HMCN1: variants seen among roughly 807,000 people sequenced by gnomAD.
HMCN1 encodes the protein hemicentin-1.
A neutral mutation model predicts 625.9 loss-of-function variants in HMCN1; 321 were observed. The ratio of observed to expected loss-of-function variants is 0.51; its 90% CI spans 0.47 to 0.56. The LOEUF (loss-of-function observed/expected upper bound fraction) is 0.56. Among genes scored for constraint, HMCN1 ranks in the 20% least tolerant of loss-of-function variants. HMCN1 has a pLI of 0.00. For synonymous variants in HMCN1, 2,425 were observed against 2,417.6 expected (o/e 1.00, Z -0.09); for missense variants, 6,588 against 6,887.3 (o/e 0.96, Z 1.54).
At chr1:185,896,671 T>C (rs193021250) in intron 4 of HMCN1, among the ~76,000 whole-genome samples, 1 of 152,188 alleles carries the variant, frequency 6.6e-6, no homozygotes, top group African/African-American at 2.4e-5. Flanking sequence ...TTGGTCAAGC[T>C]GAATCTCAGT....
At position 185,963,140 on chromosome 1, in the gene HMCN1, C is replaced by T. The variant is rs374404569; in HGVS notation, c.1970+481C>T. Among the ~76,000 whole-genome samples, 5 of 152,046 alleles carry T rather than the reference C, an allele frequency of 3.3e-5. No individual in the cohort carries two copies. In the East Asian group the frequency reaches 9.6e-4, roughly 29 times the overall value. ...GGGAAGTATTTTATTTCACTGGGTG[C>T]TTTTTAAAAGCATTGAATCCACTCA... On this transcript the variant is annotated intron_variant, in intron 12 of 106. Coordinates refer to ENST00000271588, the MANE Select transcript of HMCN1 (RefSeq NM_031935.3).
chr1:185,864,969 G>A (rs1000789445), intron 3 of HMCN1, among the ~76,000 whole-genome samples: 1 of 152,244 alleles, frequency 6.6e-6, no homozygotes, highest in Non-Finnish European at 1.5e-5. Flanking sequence ...TCACGCCTGA[G>A]TCAGAGTTAC....
At chr1:185,747,967 C>G (rs1490105336) in intron 1 of HMCN1, among the ~76,000 whole-genome samples, 6 of 147,782 alleles carry the variant, frequency 4.1e-5, no homozygotes, top group African/African-American at 1.5e-4. Flanking sequence ...CAAGTTCTGA[C>G]AGGGAGAGAG....
At chr1:186,059,063 A>G (rs1023678188) in intron 46 of HMCN1, among the ~76,000 whole-genome samples, 1 of 152,050 alleles carries the variant, frequency 6.6e-6, no homozygotes, top group South Asian at 2.1e-4. Flanking sequence ...TACCTAAAAC[A>G]GTTAACACAG....
In HMCN1 at chr1:185,752,137, G is replaced by A. The variant is rs151166352; in HGVS notation, c.268+17090G>A. Among the ~76,000 whole-genome samples, 94 of 152,122 alleles carry A rather than the reference G, an allele frequency of 6.2e-4. 1 individual carries two copies. The East Asian group carries it at 0.015, about 24-fold the overall frequency. On this transcript the variant is annotated intron_variant, in intron 1 of 106. Transcript: ENST00000271588. ...GACTAATTTTTGGGCTTTGGATTCCGGTGCTGTACAGCTAGTATAACCTCT... is the reference window on the plus strand; with the variant it reads ...GACTAATTTTTGGGCTTTGGATTCCAGTGCTGTACAGCTAGTATAACCTCT...
chr1:186,166,976 G>A, intron 100 of HMCN1, 34 bp downstream of exon 100: 5 of 1,613,750 alleles, frequency 3.1e-6, no homozygotes, highest in Non-Finnish European at 4.2e-6. Flanking sequence ...TTATGTTCAT[G>A]ACAGTAAGAA....
chr1:186,124,590 CTA>C (rs1317070539), intron 81 of HMCN1, among the ~76,000 whole-genome samples: 3 of 151,974 alleles, frequency 2.0e-5, no homozygotes, highest in Non-Finnish European at 2.9e-5. Flanking sequence ...TCCAAGTTAT[CTA>C]TGTTTGTATC....
intron 1 of HMCN1, among the ~76,000 whole-genome samples, chr1:185,844,171 T>C (rs114803284): frequency 2.4e-3 from 373 of 152,322 alleles, no homozygotes; most frequent in African/African-American, 8.4e-3. Context: ...TTTGCTGTTT[T>C]GCATTCCTTT....
At chr1:186,129,663 C>T (rs868556064) in intron 83 of HMCN1, among the ~76,000 whole-genome samples, 7 of 142,512 alleles carry the variant, frequency 4.9e-5, no homozygotes, top group South Asian at 2.3e-4. Context: ...ACTCAGACTA[C>T]GAGCCAGCTT....
In HMCN1 at chr1:186,055,443, A is replaced by C; in HGVS notation, c.6913A>C (p.Thr2305Pro). The C allele has an allele frequency of 6.2e-7, 1 of 1,612,640 alleles. No homozygotes were observed. Among genetic ancestry groups the C allele is most frequent in the Non-Finnish European group, 8.5e-7 (1 of 1,179,096 alleles). The change falls in exon 45 of 107, where the codon ACC becomes CCC. Residue 2305 changes from threonine (T) to proline (P), a missense_variant. By Grantham distance (38) the Thr-to-Pro change is conservative (BLOSUM62 -1). Around this residue, in one of 3 missense-constraint regions of HMCN1, gnomAD observed 4,628 missense variants for 4,853.1 expected, o/e 0.95. Transcript: ENST00000271588. ...SGSHPTEIIVTRGKSISLECE... is the reference protein window; with the variant it reads ...SGSHPTEIIVPRGKSISLECE... ...CAGCCACCCTACTGAAATTATTGTG[A>C]CCCGAGGGAAGAGTATCTCCTTGGA...
intron 4 of HMCN1, among the ~76,000 whole-genome samples, chr1:185,907,255 C>T (rs188871202): frequency 1.4e-4 from 22 of 152,078 alleles, no homozygotes; most frequent in Admixed American, 1.2e-3. Context: ...TGAGGAAATA[C>T]ATCATTTGAT....
chr1:185,806,981 C>CT (rs1659213783), intron 1 of HMCN1, among the ~76,000 whole-genome samples: 1 of 151,970 alleles, frequency 6.6e-6, no homozygotes, highest in Non-Finnish European at 1.5e-5. Flanking sequence ...GATTGAAAAT[C>CT]TATAAAATTA....
intron 85 of HMCN1, among the ~76,000 whole-genome samples, chr1:186,131,142 C>G (rs985372258): frequency 6.6e-6 from 1 of 152,012 alleles, no homozygotes; most frequent in Non-Finnish European, 1.5e-5. Context: ...ATATTTTATC[C>G]AAAAATGTCT....
chr1:186,053,797 A>G (rs1379206368), intron 43 of HMCN1, 28 bp from the exon 44 acceptor site: 1 of 1,611,128 alleles, frequency 6.2e-7, no homozygotes, highest in East Asian at 2.2e-5. Context: ...TTTCTGCCTC[A>G]TATTCTGCCA....
At chr1:185,899,916 T>A (rs899808546) in intron 4 of HMCN1, among the ~76,000 whole-genome samples, 1 of 152,076 alleles carries the variant, frequency 6.6e-6, no homozygotes, top group Admixed American at 6.6e-5. Context: ...TACATCTGTC[T>A]CATTCTTGAG....
In HMCN1 at chr1:185,933,643, C is replaced by T; in HGVS notation, c.1647C>T (p.Tyr549=). The T allele has an allele frequency of 6.2e-7, 1 of 1,613,976 alleles. No individual in the cohort carries two copies. Among genetic ancestry groups the T allele is most frequent in the South Asian group, 1.1e-5 (1 of 91,084 alleles). Residue 549 remains tyrosine, a synonymous_variant, in exon 11 of 107, where the codon TAC becomes TAT. Transcript: ENST00000271588. ...GTCTCATCATCAGTGCGGTGGATTA[C>T]AATCTAACCTGGCAGAGGAATGACA... ...LTCLIISAVD[Y]NLTWQRNDRD...
chr1:185,997,735 C>T (rs74134273), intron 25 of HMCN1, among the ~76,000 whole-genome samples: 3,739 of 151,378 alleles, frequency 0.025, 150 homozygotes, highest in African/African-American at 0.085. Context: ...AATGTAAAGA[C>T]TTTCCATTCT....
At chr1:185,990,160 A>G (rs1652322260) in intron 21 of HMCN1, 115 bp from the exon 22 acceptor site, 2 of 970,222 alleles carry the variant, frequency 2.1e-6, no homozygotes, top group Admixed American at 3.4e-5. Flanking sequence ...TATGTCCTGA[A>G]TAGCATCTTT....
At chr1:185,962,767 A>G in intron 12 of HMCN1, 108 bp downstream of exon 12, 2 of 758,586 alleles carry the variant, frequency 2.6e-6, no homozygotes, top group Non-Finnish European at 4.9e-6. Flanking sequence ...AGGTTTGACC[A>G]CAATACTTAG....
Sources: allele counts gnomAD v4.1 joint callset (sites outside exome capture counted in the v4.1 genomes callset), GRCh38; gene constraint gnomAD v4.1.1; regional missense constraint gnomAD v4.1.1; transcripts MANE v1.5; gene names NCBI Gene and HGNC (gene_info 2026-07-23, HGNC 2026-07-21).